Variants in GRIN1 observed in about 807,000 individuals in gnomAD.
The protein encoded by GRIN1 is glutamate receptor ionotropic, NMDA 1.
A neutral mutation model predicts 103.0 loss-of-function variants in GRIN1; 38 were observed. That is an observed-to-expected ratio of 0.37 (90% CI 0.28 to 0.48). The LOEUF is 0.48. Ranked by LOEUF, GRIN1 falls within the 20% of genes least tolerant of loss-of-function variation. GRIN1 has a pLI of 0.98. For synonymous variants in GRIN1, 544 were observed against 532.7 expected, an observed-to-expected ratio of 1.02 and a Z score of -0.29; for missense variants, 577 against 1,288.9, an observed-to-expected ratio of 0.45 and a Z score of 8.46.
chr9:137,140,670 T>C lies in GRIN1; in HGVS notation c.258+926T>C, dbSNP rs146072361. Among the ~76,000 whole-genome samples, 604 of 152,318 alleles carry C rather than the reference T, an allele frequency of 4.0e-3. 9 individuals are homozygous for C. Among genetic ancestry groups the C allele is most frequent in the East Asian group, 0.033 (171 of 5,180 alleles). ...GTGCAAACATGCACATTTACACACATGGTTCCAGTCATTCACACGCATGTA... is the reference window on the plus strand; with the variant it reads ...GTGCAAACATGCACATTTACACACACGGTTCCAGTCATTCACACGCATGTA... On this transcript the variant is annotated intron_variant, in intron 1 of 19. Transcript: ENST00000371561.
chr9:137,168,187 C>G lies in GRIN1; in HGVS notation c.*660C>G, dbSNP rs867598646. ...CGGCAGCCCCATCCTTCCCGCAGCA[C>G]CAGCCTGAGCCACAGTGGGGCCCAT... On this transcript the variant is annotated 3_prime_UTR_variant, in exon 20 of 20. Coordinates refer to ENST00000371561, the MANE Select transcript of GRIN1 (RefSeq NM_007327.4). 2.5e-6 allele frequency: 1 copy of G among 397,494 alleles called. No homozygotes were observed. Among genetic ancestry groups the G allele is most frequent in the East Asian group, 5.6e-5 (1 of 17,778 alleles). 24.6% of individuals were successfully genotyped at this position (397,494 alleles called of 1,614,324 possible).
At chr9:137,165,637 G>A (rs1833832884) in intron 19 of GRIN1, among the ~76,000 whole-genome samples, 2 of 152,152 alleles carry the variant, frequency 1.3e-5, no homozygotes, top group African/African-American at 4.8e-5. Context: ...GGCCCTGGGA[G>A]CCCAGCGTGG....
At chr9:137,160,955 G>A in intron 8 of GRIN1, 101 bp from the exon 9 acceptor site, 1 of 1,466,002 alleles carries the variant, frequency 6.8e-7, no homozygotes, top group East Asian at 2.4e-5. Context: ...GTGCGTCGGG[G>A]ATTAAGAGGG....
At position 137,157,020 on chromosome 9, in the gene GRIN1, C is replaced by A. The variant is rs1210929899; in HGVS notation, c.951C>A (p.Thr317=). 2 of 1,446,250 alleles carry A rather than the reference C, an allele frequency of 1.4e-6. No individual in the cohort carries two copies. Among genetic ancestry groups the A allele is most frequent in the African/African-American group, 1.5e-5 (1 of 68,806 alleles). 89.6% of individuals were successfully genotyped at this position (1,446,250 alleles called of 1,614,324 possible). ...GCVGNTNIWK[T]GPLFKRVLMS... is the part of the protein sequence containing the mutation. ...TGGGCAACACCAACATCTGGAAGAC[C>A]GGGCCGCTCTTCAAGAGGTGGGCGG... The change falls in exon 6 of 20, where the codon ACC becomes ACA. Residue 317 remains threonine, a synonymous_variant. Transcript: ENST00000371561.
At chr9:137,165,926 G>A (rs1014165836) in intron 19 of GRIN1, among the ~76,000 whole-genome samples, 11 of 152,226 alleles carry the variant, frequency 7.2e-5, no homozygotes, top group African/African-American at 2.7e-4. Context: ...CCGTCTGGGT[G>A]GACGGCTGGG....
In GRIN1 at chr9:137,163,542, C is replaced by G; in HGVS notation, c.2334-17C>G. 6.3e-7 allele frequency: 1 copy of G among 1,575,778 alleles called. No individual in the cohort carries two copies. Among genetic ancestry groups the G allele is most frequent in the Non-Finnish European group, 8.7e-7 (1 of 1,145,758 alleles). ...TGGGCCCCGCCTCACTGCAGGCTCA[C>G]TTGTTCCCACCGCCAGGTCCCACGA... On this transcript the variant is annotated splice_polypyrimidine_tract_variant and intron_variant, in intron 16 of 19. Coordinates refer to ENST00000371561, the MANE Select transcript of GRIN1 (RefSeq NM_007327.4).
chr9:137,154,704 G>A (rs548095571), intron 4 of GRIN1, among the ~76,000 whole-genome samples: 4 of 152,030 alleles, frequency 2.6e-5, no homozygotes, highest in South Asian at 4.2e-4. Flanking sequence ...TGCCCGCCTC[G>A]GCCTCCCAAA....
rs768760870 is a variant in GRIN1 at position 137,161,368 on chromosome 9, C to T, written c.1419C>T (p.Thr473=). 6.2e-7 allele frequency: 1 copy of T among 1,612,630 alleles called. No homozygotes were observed. ...AGCTGGCACGGACCATGAACTTCAC[C>T]TACGAGGTGCACCTGGTGGCAGATG... ...LIKLARTMNF[T]YEVHLVADGK... is the part of the protein sequence containing the mutation. The change falls in exon 10 of 20, where the codon ACC becomes ACT. Residue 473 remains threonine, a synonymous_variant. Coordinates refer to ENST00000371561, the MANE Select transcript of GRIN1 (RefSeq NM_007327.4).
At chr9:137,140,489 A>G (rs765644885) in intron 1 of GRIN1, among the ~76,000 whole-genome samples, 1 of 152,244 alleles carries the variant, frequency 6.6e-6, no homozygotes, top group Admixed American at 6.5e-5. Context: ...ACATCTGTGG[A>G]CACACATGCT....
At chr9:137,151,386 CAG>C (rs1832903403) in intron 4 of GRIN1, among the ~76,000 whole-genome samples, 1 of 146,994 alleles carries the variant, frequency 6.8e-6, no homozygotes, top group African/African-American at 2.5e-5. Flanking sequence ...AGGGAAAGCC[CAG>C]CCCAGAAAAA....
intron 2 of GRIN1, 129 bp downstream of exon 2, chr9:137,142,276 C>T: frequency 1.1e-6 from 1 of 872,004 alleles, no homozygotes; most frequent in Non-Finnish European, 1.9e-6. Context: ...AGCTCCCCCA[C>T]ATTCATGCAC....
chr9:137,158,587 G>A (rs369658517), intron 7 of GRIN1, 34 bp from the exon 8 acceptor site: 30 of 1,607,430 alleles, frequency 1.9e-5, no homozygotes, highest in East Asian at 4.5e-5. Flanking sequence ...AGACCCCTGC[G>A]TGGCCACCCT....
chr9:137,139,301 C>G lies in GRIN1; in HGVS notation c.-186C>G. The G allele has an allele frequency of 4.1e-6, 1 of 242,538 alleles. No homozygotes were observed. Among genetic ancestry groups the G allele is most frequent in the African/African-American group, 2.3e-5 (1 of 43,564 alleles). The allele number at this position is 242,538 out of a possible 1,614,324, so 15.0% of individuals were successfully genotyped here. On this transcript the variant is annotated 5_prime_UTR_variant, in exon 1 of 20. Transcript: ENST00000371561. The surrounding 1 kb of genome is among the most constrained non-coding windows in gnomAD (Gnocchi z 7.7). Reference sequence around the variant, plus strand: ...GCGCCGGCCGCGTGGGGCTGAGCCCCGAGCCCCCGCGCACGCTTCAGCGCC... The same window carrying G: ...GCGCCGGCCGCGTGGGGCTGAGCCCGGAGCCCCCGCGCACGCTTCAGCGCC...
Position 137,167,995 on chromosome 9 carries a change from G to A in GRIN1, c.*468G>A. 1.4e-6 allele frequency: 1 copy of A among 740,262 alleles called. No homozygotes were observed. The highest frequency in any genetic ancestry group is 2.3e-6 in the Non-Finnish European group (1 of 429,838). The allele number at this position is 740,262 out of a possible 1,614,324, so 45.9% of individuals were successfully genotyped here. ...GCCCGCCCACCCCGCTGCCTGGCGG[G>A]CAGCCCCTGCTGGACCAAGGTGCGG... is the stretch of plus-strand genomic sequence containing the variant. On this transcript the variant is annotated 3_prime_UTR_variant, in exon 20 of 20. Transcript: ENST00000371561.
rs775967941 is a variant in GRIN1, at chr9:137,139,565, G to A, written c.79G>A (p.Val27Ile). 2 of 1,613,014 alleles carry A rather than the reference G, an allele frequency of 1.2e-6. No homozygotes were observed. The highest frequency in any genetic ancestry group is 2.2e-5 in the South Asian group (2 of 91,080). ...VARAACDPKI[V>I]NIGAVLSTRK... ...CCGTGCCGCGTGCGACCCCAAGATCGTCAACATTGGCGCGGTGCTGAGCAC... is the reference window on the plus strand; with the variant it reads ...CCGTGCCGCGTGCGACCCCAAGATCATCAACATTGGCGCGGTGCTGAGCAC... The change falls in exon 1 of 20, where the codon GTC becomes ATC. Residue 27 changes from valine (V) to isoleucine (I), a missense_variant. Transcript: ENST00000371561. This position sits in a 1 kb window ranked among gnomAD's most constrained non-coding sequence, Gnocchi z 7.7.
chr9:137,139,362 G>T lies in GRIN1; in HGVS notation c.-125G>T. On this transcript the variant is annotated 5_prime_UTR_variant, in exon 1 of 20. Transcript: ENST00000371561. This position sits in a 1 kb window ranked among gnomAD's most constrained non-coding sequence, Gnocchi z 7.7. ...GCCGACGTCCCGGGACCGCCGCTCCGGGGGAGACGTGGCGTCCGCAGCCCG... is the reference window on the plus strand; with the variant it reads ...GCCGACGTCCCGGGACCGCCGCTCCTGGGGAGACGTGGCGTCCGCAGCCCG... 1.9e-6 allele frequency: 1 copy of T among 514,970 alleles called. No homozygotes were observed. The allele number at this position is 514,970 out of a possible 1,614,324, so 31.9% of individuals were successfully genotyped here. A position where few individuals can be genotyped will look rare whatever the true frequency, so the allele number is the denominator to read the frequency against.
chr9:137,159,685 T>A (rs563140103), intron 8 of GRIN1, among the ~76,000 whole-genome samples: 11 of 152,360 alleles, frequency 7.2e-5, no homozygotes, highest in South Asian at 6.2e-4. Flanking sequence ...ACTAATTTTT[T>A]AAAAATACTA....
Position 137,154,432 on chromosome 9 carries a change from CTTTTTTTTTTTTTTTTT to C in GRIN1, c.672-2214_672-2198del, listed in dbSNP as rs543160973. Among the ~76,000 whole-genome samples, 43 of 43,010 alleles carry C rather than the reference CTTTTTTTTTTTTTTTTT, an allele frequency of 1.0e-3. 1 individual carries two copies. Among genetic ancestry groups the C allele is most frequent in the African/African-American group, 2.2e-3 (23 of 10,622 alleles). 28.2% of individuals were successfully genotyped at this position (43,010 alleles called of 152,430 possible). A position where few individuals can be genotyped will look rare whatever the true frequency, so the allele number is the denominator to read the frequency against. On this transcript the variant is annotated intron_variant, in intron 4 of 19. Transcript: ENST00000371561. ...CAGCCACCACCCCCAGCTCCAACAA[CTTTTTTTTTTTTTTTTT>C]TTTTTTTTTTTTTTTTTTTTTTAAG...
At chr9:137,150,716 G>A (rs1376723065) in intron 4 of GRIN1, among the ~76,000 whole-genome samples, 1 of 124,842 alleles carries the variant, frequency 8.0e-6, no homozygotes. Context: ...GGAAAGCTCT[G>A]CCCAGATAAA....
Sources: allele counts gnomAD v4.1 joint callset (sites outside exome capture counted in the v4.1 genomes callset), GRCh38; gene constraint gnomAD v4.1.1; non-coding constraint Gnocchi (gnomAD v3.1); transcripts MANE v1.5; gene names NCBI Gene and HGNC (gene_info 2026-07-23, HGNC 2026-07-21).